RPS6KC1: variants seen among roughly 807,000 people sequenced by gnomAD.
RPS6KC1 encodes inactive ribosomal protein S6 kinase delta-1.
In RPS6KC1, 54 loss-of-function variants were observed where a neutral mutation model predicts 103.8. The observed-to-expected ratio is 0.52, with a 90% CI of 0.42 to 0.65. The LOEUF is 0.65. Ranked by LOEUF, RPS6KC1 falls within the 30% of genes least tolerant of loss-of-function variation. RPS6KC1 has a pLI of 0.00. For synonymous variants in RPS6KC1, 439 were observed against 438.7 expected (o/e 1.00, Z -0.01); for missense variants, 1,151 against 1,253.8 (o/e 0.92, Z 1.24).
At chr1:213,768,876 A>G in the RPS6KC1 span, among the ~76,000 whole-genome samples, 1 of 152,226 alleles carries the variant, frequency 6.6e-6, no homozygotes. Flanking sequence ...GCCATTTCAT[A>G]TCTTTAATTG....
At position 213,176,081 on chromosome 1, in the gene RPS6KC1, A is replaced by G. The variant is rs550184840; in HGVS notation, c.952-319A>G. ...GTTGGCCCAGTTATCCATTTGTTAC[A>G]AAGTTTTATGATAGCTGTATGGTCT... On this transcript the variant is annotated intron_variant, in intron 7 of 14. Transcript: ENST00000366960. 2.6e-5 allele frequency among the ~76,000 whole-genome samples: 4 copies of G among 152,280 alleles called. No homozygotes were observed. In the South Asian group the frequency reaches 8.3e-4, roughly 32 times the overall value.
chr1:213,599,623 T>A, the RPS6KC1 span, among the ~76,000 whole-genome samples: 1 of 152,248 alleles, frequency 6.6e-6, no homozygotes, highest in Non-Finnish European at 1.5e-5. Context: ...TGTCTTATTA[T>A]TGCCATCTTC....
intron 6 of RPS6KC1, among the ~76,000 whole-genome samples, chr1:213,142,132 C>A (rs1382558579): frequency 6.6e-6 from 1 of 151,936 alleles, no homozygotes; most frequent in African/African-American, 2.4e-5. Flanking sequence ...TAATGCCTTT[C>A]CTTGTCCTTT....
the RPS6KC1 span, among the ~76,000 whole-genome samples, chr1:213,591,813 A>C: frequency 1.3e-5 from 2 of 152,210 alleles, no homozygotes; most frequent in Non-Finnish European, 2.9e-5. Context: ...GCTTCAGTGG[A>C]ACCTGTGGGG....
At chr1:213,862,332 C>G in the RPS6KC1 span, among the ~76,000 whole-genome samples, 1 of 152,168 alleles carries the variant, frequency 6.6e-6, no homozygotes. Context: ...CCAAGGAGAC[C>G]TTCCTCTCTG....
the RPS6KC1 span, among the ~76,000 whole-genome samples, chr1:213,862,266 C>G: frequency 6.6e-6 from 1 of 152,170 alleles, no homozygotes; most frequent in Non-Finnish European, 1.5e-5. Context: ...TTTAGGAAAT[C>G]AAATTTCTAA....
chr1:213,745,420 TAA>T, the RPS6KC1 span, among the ~76,000 whole-genome samples: 91 of 128,046 alleles, frequency 7.1e-4, no homozygotes, highest in Middle Eastern at 7.9e-3. Context: ...TACTGTGACT[TAA>T]AAAAAAAAAA....
intron 6 of RPS6KC1, among the ~76,000 whole-genome samples, chr1:213,164,578 T>G (rs2090784430): frequency 6.6e-6 from 1 of 152,140 alleles, no homozygotes; most frequent in African/African-American, 2.4e-5. Context: ...AAAGACAGAG[T>G]CTTGCTCTGT....
the RPS6KC1 span, among the ~76,000 whole-genome samples, chr1:213,287,574 AT>A: frequency 9.2e-5 from 14 of 151,426 alleles, no homozygotes; most frequent in African/African-American, 3.4e-4. Context: ...CAAGGAAAGG[AT>A]TTTTTTTTGT....
At chr1:213,822,780 C>A in the RPS6KC1 span, among the ~76,000 whole-genome samples, 9 of 152,210 alleles carry the variant, frequency 5.9e-5, no homozygotes, top group African/African-American at 2.2e-4. Context: ...GCTCTAACCT[C>A]ACTTCTCATG....
chr1:213,161,411 C>G (rs913651496), intron 6 of RPS6KC1, among the ~76,000 whole-genome samples: 2 of 152,008 alleles, frequency 1.3e-5, no homozygotes, highest in Admixed American at 6.6e-5. Flanking sequence ...GCTTCTGCCT[C>G]CCAGGTTCAA....
chr1:213,358,782 C>T, the RPS6KC1 span, among the ~76,000 whole-genome samples: 3 of 152,138 alleles, frequency 2.0e-5, no homozygotes, highest in Non-Finnish European at 4.4e-5. Context: ...TTTCAAAGAA[C>T]ATCTTTATTT....
chr1:213,797,361 T>C, the RPS6KC1 span, among the ~76,000 whole-genome samples: 1 of 152,224 alleles, frequency 6.6e-6, no homozygotes, highest in Non-Finnish European at 1.5e-5. Flanking sequence ...GAACCCTGTG[T>C]TCATCACAGC....
At chr1:213,599,096 A>G in the RPS6KC1 span, among the ~76,000 whole-genome samples, 3 of 152,156 alleles carry the variant, frequency 2.0e-5, no homozygotes, top group Admixed American at 6.5e-5. Flanking sequence ...CAAAATGTAT[A>G]GTGTTTCATT....
the RPS6KC1 span, among the ~76,000 whole-genome samples, chr1:213,363,744 TCTTTC>T: frequency 3.4e-4 from 37 of 107,334 alleles, no homozygotes; most frequent in East Asian, 1.4e-3. Flanking sequence ...CTTTCTCTCT[TCTTTC>T]TCTTTCTCTC....
chr1:213,084,982 G>A (rs1355439510), intron 3 of RPS6KC1, among the ~76,000 whole-genome samples: 3 of 152,156 alleles, frequency 2.0e-5, no homozygotes, highest in African/African-American at 4.8e-5. Context: ...CTTTTCCACT[G>A]TGTTAGTTTC....
the RPS6KC1 span, among the ~76,000 whole-genome samples, chr1:213,801,787 A>T: frequency 6.6e-6 from 1 of 152,190 alleles, no homozygotes; most frequent in Non-Finnish European, 1.5e-5. Context: ...ATAGGAGCCA[A>T]GGATTTGGGG....
At chr1:213,681,181 A>G in the RPS6KC1 span, among the ~76,000 whole-genome samples, 1 of 151,780 alleles carries the variant, frequency 6.6e-6, no homozygotes, top group Non-Finnish European at 1.5e-5. Flanking sequence ...AGGAGCCCCC[A>G]CCTCTGCTCT....
At chr1:213,745,931 C>T in the RPS6KC1 span, among the ~76,000 whole-genome samples, 1 of 152,156 alleles carries the variant, frequency 6.6e-6, no homozygotes, top group South Asian at 2.1e-4. Flanking sequence ...TCACTAGGTT[C>T]CTTGATCTAC....
Sources: allele counts gnomAD v4.1 joint callset (sites outside exome capture counted in the v4.1 genomes callset), GRCh38; gene constraint gnomAD v4.1.1; transcripts MANE v1.5; gene names NCBI Gene and HGNC (gene_info 2026-07-23, HGNC 2026-07-21).